The following DDX60L variants were observed in gnomAD, a reference collection of about 807,000 sequenced individuals.
DDX60L encodes probable ATP-dependent RNA helicase DDX60-like.
A neutral mutation model predicts 211.6 loss-of-function variants in DDX60L; 191 were observed. The ratio of observed to expected loss-of-function variants is 0.90; its 90% CI spans 0.80 to 1.02. The LOEUF (loss-of-function observed/expected upper bound fraction) is 1.02, where lower values mean the gene tolerates loss of function less well. Ranked by LOEUF, DDX60L falls within the 50% of genes least tolerant of loss-of-function variation. The pLI, the probability that DDX60L is intolerant of heterozygous loss-of-function variation, is 0.00. For missense variants in DDX60L, 2,007 were observed against 1,984.1 expected, an observed-to-expected ratio of 1.01 and a Z score of -0.22; for synonymous variants, 706 against 694.1, an observed-to-expected ratio of 1.02 and a Z score of -0.27.
In DDX60L at chr4:168,359,750, T is replaced by G. The variant is rs548939006; in HGVS notation, c.4991+1399A>C. On this transcript the variant is annotated intron_variant, in intron 37 of 37. Transcript: ENST00000682922. ...AATCCAAACTTCATTGCCTAACAAA[T>G]AAGACCCTTCGCATATACAACCAAA... 4.7e-4 allele frequency among the ~76,000 whole-genome samples: 71 copies of G among 152,310 alleles called. 2 individuals carry two copies. In the South Asian group the frequency reaches 0.013, roughly 28 times the overall value.
rs564024151 is a variant in DDX60L, at chr4:168,430,471, G to A, written c.1677+7C>T. 51 of 1,558,050 alleles carry A rather than the reference G, an allele frequency of 3.3e-5. 1 individual carries two copies. Among genetic ancestry groups the A allele is most frequent in the Middle Eastern group, 1.7e-4 (1 of 5,824 alleles). ...GAAAAAAATTAGGTAAAATCTTTGC[G>A]ATCTACCTGTAATATTTCACCACTG... On this transcript the variant is annotated splice_region_variant and intron_variant, in intron 13 of 37. Transcript: ENST00000682922.
At chr4:168,423,575 A>C in intron 15 of DDX60L, 33 bp downstream of exon 15, 2 of 1,485,346 alleles carry the variant, frequency 1.3e-6, no homozygotes, top group Non-Finnish European at 1.8e-6. Context: ...ATTGAGTAAA[A>C]ATTTAAAGTA....
At chr4:168,443,065 G>A (rs1361506640) in intron 9 of DDX60L, among the ~76,000 whole-genome samples, 7 of 151,988 alleles carry the variant, frequency 4.6e-5, no homozygotes, top group Non-Finnish European at 7.4e-5. Context: ...GGCTTCAGAC[G>A]ATCAAATTAC....
At position 168,472,757 on chromosome 4, in the gene DDX60L, G is replaced by A; in HGVS notation, c.-58C>T. On this transcript the variant is annotated 5_prime_UTR_variant, in exon 2 of 38. Coordinates refer to ENST00000682922, the MANE Select transcript of DDX60L (RefSeq NM_001012967.3). ...GTAGAGCTGGAATTTATTAAATATG[G>A]CTGATTTATTTTGACACCTCTAAAA... The A allele has an allele frequency of 1.3e-6, 2 of 1,591,892 alleles. No individual in the cohort carries two copies. Among genetic ancestry groups the A allele is most frequent in the Non-Finnish European group, 1.7e-6 (2 of 1,166,602 alleles).
chr4:168,415,350 C>G, intron 22 of DDX60L, 58 bp downstream of exon 22: 5 of 983,420 alleles, frequency 5.1e-6, no homozygotes, highest in Non-Finnish European at 7.6e-6. Context: ...GAGTCCCTTT[C>G]CAGTTGCGAT....
rs985059600 is a variant in DDX60L at position 168,419,755 on chromosome 4, T to C, written c.2515-358A>G. ...TTATTATGAGGATCCATAAATATCA[T>C]TCAAAAGAACTAGCAATTTTGAATG... On this transcript the variant is annotated intron_variant, in intron 18 of 37. Coordinates refer to ENST00000682922, the MANE Select transcript of DDX60L (RefSeq NM_001012967.3). 2.0e-5 allele frequency among the ~76,000 whole-genome samples: 3 copies of C among 152,216 alleles called. No individual in the cohort carries two copies. In the East Asian group the frequency reaches 5.8e-4, roughly 29 times the overall value.
Position 168,404,002 on chromosome 4 carries a change from C to G in DDX60L, c.3318G>C (p.Lys1106Asn). ...LLVEKLRQMD[K>N]LPAIFFLFKN... ...CTTACAAAAAAAATATTGCAGGCAA[C>G]TTATCCATTTGTCTTAACTTTTCAA... is the stretch of plus-strand genomic sequence containing the variant. The change falls in exon 25 of 38, where the codon AAG becomes AAC. Residue 1106 changes from lysine (K) to asparagine (N), a missense_variant. Lys to Asn is a moderately conservative substitution (Grantham distance 94). Coordinates refer to ENST00000682922, the MANE Select transcript of DDX60L (RefSeq NM_001012967.3). The G allele has an allele frequency of 6.8e-7, 1 of 1,474,348 alleles. No homozygotes were observed. The highest frequency in any genetic ancestry group is 9.1e-7 in the Non-Finnish European group (1 of 1,097,630). The allele number at this position is 1,474,348 out of a possible 1,614,324, so 91.3% of individuals were successfully genotyped here. A position where few individuals can be genotyped will look rare whatever the true frequency, so the allele number is the denominator to read the frequency against.
At chr4:168,478,190 A>C (rs531179120) in intron 1 of DDX60L, among the ~76,000 whole-genome samples, 118 of 51,422 alleles carry the variant, frequency 2.3e-3, no homozygotes, top group African/African-American at 4.0e-3. Flanking sequence ...GTGATAGGAC[A>C]AAAAAAAAAG....
At chr4:168,359,656 T>A (rs747475577) in intron 37 of DDX60L, among the ~76,000 whole-genome samples, 1 of 152,226 alleles carries the variant, frequency 6.6e-6, no homozygotes, top group African/African-American at 2.4e-5. Context: ...AAAACATAGA[T>A]CTATGTCGTA....
chr4:168,462,950 A>T (rs1241329198), intron 4 of DDX60L, among the ~76,000 whole-genome samples: 2 of 152,186 alleles, frequency 1.3e-5, no homozygotes, highest in Non-Finnish European at 2.9e-5. Flanking sequence ...GGCTATTATT[A>T]AAAATAATAA....
At chr4:168,416,340 A>C (rs918763306) in intron 20 of DDX60L, among the ~76,000 whole-genome samples, 8 of 152,208 alleles carry the variant, frequency 5.3e-5, no homozygotes, top group Non-Finnish European at 1.0e-4. Flanking sequence ...TGTCCTGCAC[A>C]ATTTCAGATC....
chr4:168,454,666 T>C (rs1221699703), intron 7 of DDX60L, among the ~76,000 whole-genome samples: 1 of 150,002 alleles, frequency 6.7e-6, no homozygotes, highest in Non-Finnish European at 1.5e-5. Flanking sequence ...AAATTCAAAC[T>C]AAGGAAAGAA....
rs528978965 is a variant in DDX60L, at chr4:168,417,022, A to G, written c.2611-225T>C. On this transcript the variant is annotated intron_variant, in intron 19 of 37. Coordinates refer to ENST00000682922, the MANE Select transcript of DDX60L (RefSeq NM_001012967.3). ...CTACAGATTCCAATTCCAAAAATCT[A>G]TTTTGAAGCTATGTTTTTCTCTCCA... Among the ~76,000 whole-genome samples, 3 of 152,294 alleles carry G rather than the reference A, an allele frequency of 2.0e-5. No homozygotes were observed. The East Asian group carries it at 5.8e-4, about 29-fold the overall frequency.
intron 32 of DDX60L, 142 bp downstream of exon 32, chr4:168,379,221 A>G: frequency 3.1e-6 from 2 of 654,304 alleles, no homozygotes; most frequent in Non-Finnish European, 4.7e-6. Context: ...ATTTTTTGGC[A>G]TCTGTAAATC....
intron 5 of DDX60L, among the ~76,000 whole-genome samples, chr4:168,460,140 C>T (rs1173348014): frequency 2.0e-5 from 3 of 152,112 alleles, no homozygotes; most frequent in South Asian, 2.1e-4. Flanking sequence ...GATAAACTAT[C>T]GAATGGCCTG....
At chr4:168,448,916 G>T in intron 8 of DDX60L, 137 bp from the exon 9 acceptor site, 1 of 754,694 alleles carries the variant, frequency 1.3e-6, no homozygotes, top group Non-Finnish European at 2.1e-6. Flanking sequence ...AAATATTACA[G>T]ATGGTGATCT....
intron 36 of DDX60L, among the ~76,000 whole-genome samples, chr4:168,370,934 T>A (rs1190863995): frequency 6.6e-6 from 1 of 151,988 alleles, no homozygotes; most frequent in Non-Finnish European, 1.5e-5. Context: ...TTGTAAAATG[T>A]TTTCCATGTC....
intron 13 of DDX60L, among the ~76,000 whole-genome samples, chr4:168,428,478 G>A (rs1331135354): frequency 1.3e-5 from 2 of 152,154 alleles, no homozygotes; most frequent in Non-Finnish European, 2.9e-5. Flanking sequence ...AAATTAGTGG[G>A]AAAGAGAAAT....
chr4:168,430,539 A>T lies in DDX60L; in HGVS notation c.1616T>A (p.Ile539Asn). 6.2e-7 allele frequency: 1 copy of T among 1,611,064 alleles called. No individual in the cohort carries two copies. Among genetic ancestry groups the T allele is most frequent in the African/African-American group, 1.3e-5 (1 of 74,966 alleles). ...CTTTGGCCGAGTAGTTTGAGTCACA[A>T]TGACTTTCGTAGAGATTGATTCTAA... ...KSLESISTKVIVTQTTRPKED... is the reference protein window; with the variant it reads ...KSLESISTKVNVTQTTRPKED... Residue 539 changes from isoleucine to asparagine, a missense_variant, in exon 13 of 38, where the codon ATT (isoleucine) becomes AAT (asparagine). Coordinates refer to ENST00000682922, the MANE Select transcript of DDX60L (RefSeq NM_001012967.3).
Sources: allele counts gnomAD v4.1 joint callset (sites outside exome capture counted in the v4.1 genomes callset), GRCh38; gene constraint gnomAD v4.1.1; transcripts MANE v1.5; gene names NCBI Gene and HGNC (gene_info 2026-07-23, HGNC 2026-07-21).